F7: variants seen among roughly 807,000 people sequenced by gnomAD.
The protein encoded by F7 is FVII coagulation protein.
Under a neutral mutation model 47.5 loss-of-function variants are expected in F7, and 38 were observed. The observed-to-expected ratio is 0.80, with a 90% CI of 0.62 to 1.05. F7 has a LOEUF of 1.05. Among genes scored for constraint, F7 ranks in the 50% least tolerant of loss-of-function variants. The pLI, the probability that F7 is intolerant of heterozygous loss-of-function variation, is 0.00. For synonymous variants in F7, 244 were observed against 258.5 expected, an observed-to-expected ratio of 0.94 and a Z score of 0.54; for missense variants, 575 against 605.4, an observed-to-expected ratio of 0.95 and a Z score of 0.53.
intron 2 of F7, among the ~76,000 whole-genome samples, chr13:113,111,905 T>TCA (rs1289295230): frequency 1.4e-5 from 1 of 72,144 alleles, no homozygotes; most frequent in African/African-American, 5.7e-5. Context: ...CACCTCACAC[T>TCA]CAGGGCGCAC....
rs755896797 is a variant in F7 at position 113,118,432 on chromosome 13, G to A, written c.759G>A (p.Glu253=). The A allele has an allele frequency of 6.3e-7, 1 of 1,599,540 alleles. No homozygotes were observed. Among genetic ancestry groups the A allele is most frequent in the Admixed American group, 1.7e-5 (1 of 59,754 alleles). Residue 253 remains glutamate (E), a synonymous_variant, in exon 8 of 8, where the codon GAG becomes GAA. Transcript: ENST00000346342. ...IAVLGEHDLS[E]HDGDEQSRRV... is the part of the protein sequence containing the mutation. ...TTCCAGGCGAGCACGACCTCAGCGA[G>A]CACGACGGGGATGAGCAGAGCCGGC...
chr13:113,106,995 C>G, intron 1 of F7: 2 of 1,460,814 alleles, frequency 1.4e-6, no homozygotes, highest in Non-Finnish European at 1.9e-6. Flanking sequence ...AAAGAGCCAG[C>G]CCGCGGGGTG....
In F7 at chr13:113,113,989, G is replaced by T. The variant is rs1399037911; in HGVS notation, c.364+29G>T. On this transcript the variant is annotated intron_variant, in intron 4 of 7. Transcript: ENST00000346342. This position sits in a 1 kb window ranked among gnomAD's most constrained non-coding sequence, Gnocchi z 4.1. ...AGGCCCCACTTTGGGTCCCATATTT[G>T]CAGAGGGCCCTGGGGAGCTGGTGGA... The T allele has an allele frequency of 6.2e-7, 1 of 1,612,598 alleles. No homozygotes were observed. The highest frequency in any genetic ancestry group is 8.5e-7 in the Non-Finnish European group (1 of 1,179,586).
rs1216891281 is a variant in F7, at chr13:113,116,803, A to T, written c.543A>T (p.Lys181Asn). The T allele has an allele frequency of 6.2e-7, 1 of 1,613,914 alleles. No homozygotes were observed. The highest frequency in any genetic ancestry group is 1.7e-5 in the Admixed American group (1 of 60,036). ...GTGGAAAAATACCTATTCTAGAAAAAAGAAATGCCAGCAAACCCCAAGGCC... is the reference window on the plus strand; with the variant it reads ...GTGGAAAAATACCTATTCTAGAAAATAGAAATGCCAGCAAACCCCAAGGCC... ...YPCGKIPILE[K>N]RNASKPQGRI... The change falls in exon 6 of 8, where the codon AAA becomes AAT. Residue 181 changes from lysine (K) to asparagine (N), a missense_variant. Lys to Asn is a moderately conservative substitution (Grantham distance 94). Transcript: ENST00000346342.
Position 113,119,066 on chromosome 13 carries a change from C to A in F7, c.*58C>A, listed in dbSNP as rs757493564. The A allele has an allele frequency of 3.2e-6, 4 of 1,247,512 alleles. No individual in the cohort carries two copies. The highest frequency in any genetic ancestry group is 3.1e-5 in the African/African-American group (2 of 65,242). 77.3% of individuals were successfully genotyped at this position (1,247,512 alleles called of 1,614,324 possible). Reference sequence around the variant, plus strand: ...AGGCTGCGTCGAACTGTCCTGGCACCAAATCCCATATATTCTTCTGCAGTT... The same window carrying A: ...AGGCTGCGTCGAACTGTCCTGGCACAAAATCCCATATATTCTTCTGCAGTT... On this transcript the variant is annotated 3_prime_UTR_variant, in exon 8 of 8. Coordinates refer to ENST00000346342, the MANE Select transcript of F7 (RefSeq NM_019616.4).
intron 4 of F7, 43 bp downstream of exon 4, chr13:113,114,003 G>C: frequency 6.2e-7 from 1 of 1,608,244 alleles, no homozygotes; most frequent in Non-Finnish European, 8.5e-7. Flanking sequence ...AGGGCCCTGG[G>C]GAGCTGGTGG....
Position 113,119,267 on chromosome 13 carries a change from A to C in F7, c.*259A>C. On this transcript the variant is annotated 3_prime_UTR_variant, in exon 8 of 8. Coordinates refer to ENST00000346342, the MANE Select transcript of F7 (RefSeq NM_019616.4). ...ATAGAGACACAGAGATGGAATAGAA[A>C]AGATGAGAGGCAGAGGCAGACAGGC... 1 of 523,902 alleles carries C rather than the reference A, an allele frequency of 1.9e-6. No homozygotes were observed. The highest frequency in any genetic ancestry group is 3.4e-6 in the Non-Finnish European group (1 of 293,696). 32.5% of individuals were successfully genotyped at this position (523,902 alleles called of 1,614,324 possible).
Position 113,113,620 on chromosome 13 carries a change from C to A in F7, c.226-132C>A. On this transcript the variant is annotated intron_variant, in intron 2 of 7. Coordinates refer to ENST00000346342, the MANE Select transcript of F7 (RefSeq NM_019616.4). This position sits in a 1 kb window ranked among gnomAD's most constrained non-coding sequence, Gnocchi z 4.1. ...ACCTACCTCAGCTCCAGAGGAAAGTCTGGCTTCCTGAGCCCACCCCGCCAG... is the reference window on the plus strand; with the variant it reads ...ACCTACCTCAGCTCCAGAGGAAAGTATGGCTTCCTGAGCCCACCCCGCCAG... The A allele has an allele frequency of 1.1e-6, 1 of 888,954 alleles. No homozygotes were observed. The highest frequency in any genetic ancestry group is 1.9e-6 in the Non-Finnish European group (1 of 528,938). The allele number at this position is 888,954 out of a possible 1,614,324, so 55.1% of individuals were successfully genotyped here.
intron 6 of F7, chr13:113,117,089 T>G: frequency 3.0e-6 from 2 of 668,134 alleles, no homozygotes; most frequent in Non-Finnish European, 2.7e-6. Context: ...GGGTCTACCC[T>G]GTGCAGAGAA....
Position 113,119,106 on chromosome 13 carries a change from G to C in F7, c.*98G>C, listed in dbSNP as rs1158640678. 9.4e-6 allele frequency: 10 copies of C among 1,066,012 alleles called. 1 individual carries two copies. Among genetic ancestry groups the C allele is most frequent in the Non-Finnish European group, 1.4e-5 (10 of 721,394 alleles). The allele number at this position is 1,066,012 out of a possible 1,614,324, so 66.0% of individuals were successfully genotyped here. A position where few individuals can be genotyped will look rare whatever the true frequency, so the allele number is the denominator to read the frequency against. On this transcript the variant is annotated 3_prime_UTR_variant, in exon 8 of 8. Coordinates refer to ENST00000346342, the MANE Select transcript of F7 (RefSeq NM_019616.4). ...CTTCTGCAGTTAATGGGGTAGAGGA[G>C]GGCATGGGAGGGAGGGAGAGGTGGG...
intron 2 of F7, 138 bp downstream of exon 2, chr13:113,110,988 G>T (rs1288023448): frequency 1.9e-6 from 2 of 1,031,752 alleles, no homozygotes; most frequent in African/African-American, 1.8e-5. Flanking sequence ...CGCTTTCTGC[G>T]GGGGTCGCTT....
At chr13:113,109,734 G>A (rs34111909) in intron 1 of F7, among the ~76,000 whole-genome samples, 2 of 152,118 alleles carry the variant, frequency 1.3e-5, no homozygotes, top group Non-Finnish European at 2.9e-5. Flanking sequence ...CCTGCCCCCA[G>A]GCCCGTCTCC....
At chr13:113,118,049 G>A (rs1002590843) in intron 7 of F7, among the ~76,000 whole-genome samples, 5 of 152,234 alleles carry the variant, frequency 3.3e-5, no homozygotes, top group South Asian at 2.1e-4. Context: ...TGGGACCACC[G>A]GCTGGCAGGG....
At chr13:113,106,815 C>T (rs372104598) in intron 1 of F7, 124 of 1,571,316 alleles carry the variant, frequency 7.9e-5, no homozygotes, top group Non-Finnish European at 1.1e-4. Flanking sequence ...ACAGCATGGC[C>T]TTATGACCCC....
At chr13:113,107,058 G>A (rs2035974971) in intron 1 of F7, 16 of 885,854 alleles carry the variant, frequency 1.8e-5, no homozygotes, top group Middle Eastern at 6.0e-4. Flanking sequence ...GGAAGTGACC[G>A]CTCCAGCTTG....
Position 113,115,817 on chromosome 13 carries a change from T to C in F7, c.505+17T>C. 1 of 1,612,996 alleles carries C rather than the reference T, an allele frequency of 6.2e-7. No homozygotes were observed. ...CACCCACAGGTGACCAGGCTTCATG[T>C]CCCAGTCCCAGATGACACCAGTCCC... On this transcript the variant is annotated intron_variant, in intron 5 of 7. Transcript: ENST00000346342.
intron 1 of F7, among the ~76,000 whole-genome samples, chr13:113,109,207 T>C (rs1302400167): frequency 7.2e-6 from 1 of 138,390 alleles, no homozygotes; most frequent in Non-Finnish European, 1.5e-5. Context: ...GGCGTGGGTG[T>C]CCGGGGGGCG....
intron 1 of F7, among the ~76,000 whole-genome samples, chr13:113,108,469 A>T (rs1451741812): frequency 4.3e-5 from 1 of 23,500 alleles, no homozygotes. Flanking sequence ...TCCGGAGGCG[A>T]GGGTGTCCCA....
chr13:113,118,669 C>T lies in F7; in HGVS notation c.996C>T (p.Ala332=). 1.2e-6 allele frequency: 2 copies of T among 1,612,738 alleles called. No individual in the cohort carries two copies. The highest frequency in any genetic ancestry group is 1.7e-6 in the Non-Finnish European group (2 of 1,179,910). Reference sequence around the variant, plus strand: ...AGCTGCTGGACCGTGGCGCCACGGCCCTGGAGCTCATGGTCCTCAACGTGC... The same window carrying T: ...AGCTGCTGGACCGTGGCGCCACGGCTCTGGAGCTCATGGTCCTCAACGTGC... ...WGQLLDRGAT[A]LELMVLNVPR... The change falls in exon 8 of 8, where the codon GCC becomes GCT. Residue 332 remains alanine, a synonymous_variant. Transcript: ENST00000346342.
Sources: allele counts gnomAD v4.1 joint callset (sites outside exome capture counted in the v4.1 genomes callset), GRCh38; gene constraint gnomAD v4.1.1; non-coding constraint Gnocchi (gnomAD v3.1); transcripts MANE v1.5; gene names NCBI Gene and HGNC (gene_info 2026-07-23, HGNC 2026-07-21).